PDZRN4: variants seen among roughly 807,000 people sequenced by gnomAD.
PDZRN4 encodes the protein PDZ domain-containing RING finger protein 4.
PDZRN4 carries 70 observed loss-of-function variants against 99.0 expected under a neutral mutation model. The observed-to-expected ratio is 0.71, with a 90% CI of 0.58 to 0.86. The LOEUF is 0.86. Ranked by LOEUF, PDZRN4 falls within the 40% of genes least tolerant of loss-of-function variation. PDZRN4 has a pLI of 0.00. For missense variants in PDZRN4, 1,474 were observed against 1,331.2 expected, an observed-to-expected ratio of 1.11 and a Z score of -1.67; for synonymous variants, 551 against 501.6, an observed-to-expected ratio of 1.10 and a Z score of -1.32.
chr12:41,477,721 G>T, intron 3 of PDZRN4: 1 of 680,486 alleles, frequency 1.5e-6, no homozygotes, highest in South Asian at 1.6e-5. Context: ...TTGGTGAACA[G>T]ACCAACTCCG....
intron 3 of PDZRN4, among the ~76,000 whole-genome samples, chr12:41,261,242 G>C (rs1951237634): frequency 6.6e-6 from 1 of 151,978 alleles, no homozygotes; most frequent in East Asian, 1.9e-4. Context: ...TTCGAAAAAC[G>C]TATTCAGAAT....
At chr12:41,533,742 C>T (rs285553) in intron 5 of PDZRN4, among the ~76,000 whole-genome samples, 35,830 of 151,904 alleles carry the variant, frequency 0.24, 5,696 homozygotes, top group African/African-American at 0.45. Context: ...TGGTTCTTGT[C>T]CACATTTCCA....
chr12:41,216,717 A>G (rs1392643296), intron 3 of PDZRN4, among the ~76,000 whole-genome samples: 3 of 152,042 alleles, frequency 2.0e-5, no homozygotes, highest in Non-Finnish European at 4.4e-5. Flanking sequence ...CAATTCATCT[A>G]ATTAATTTAT....
chr12:41,280,919 G>C (rs1324493084), intron 3 of PDZRN4, among the ~76,000 whole-genome samples: 1 of 152,172 alleles, frequency 6.6e-6, no homozygotes, highest in Non-Finnish European at 1.5e-5. Context: ...TCCTGACTAG[G>C]AGACACCTCC....
intron 5 of PDZRN4, among the ~76,000 whole-genome samples, chr12:41,543,989 T>G (rs1489662805): frequency 6.6e-6 from 1 of 152,168 alleles, no homozygotes; most frequent in Non-Finnish European, 1.5e-5. Context: ...AGGGTCATAT[T>G]TCCAAAAAAA....
chr12:41,538,068 G>A (rs1274053741), intron 5 of PDZRN4, among the ~76,000 whole-genome samples: 2 of 152,084 alleles, frequency 1.3e-5, no homozygotes, highest in South Asian at 2.1e-4. Flanking sequence ...AAAGAGATGA[G>A]CAGATTTTAT....
At chr12:41,426,513 G>A (rs1448416660) in intron 3 of PDZRN4, among the ~76,000 whole-genome samples, 1 of 152,084 alleles carries the variant, frequency 6.6e-6, no homozygotes, top group Non-Finnish European at 1.5e-5. Context: ...TATTGAAAAA[G>A]GCATGATCTT....
chr12:41,408,418 A>G (rs748122345), intron 3 of PDZRN4, among the ~76,000 whole-genome samples: 4 of 152,186 alleles, frequency 2.6e-5, no homozygotes, highest in Non-Finnish European at 5.9e-5. Flanking sequence ...CCTTTCTGCA[A>G]GTTTCCAGAG....
chr12:41,282,053 C>A (rs575018509), intron 3 of PDZRN4, among the ~76,000 whole-genome samples: 1 of 152,052 alleles, frequency 6.6e-6, no homozygotes, highest in African/African-American at 2.4e-5. Flanking sequence ...GTGCTAAATG[C>A]CCCAATTAAG....
chr12:41,421,717 T>C (rs1043185803), intron 3 of PDZRN4, among the ~76,000 whole-genome samples: 7 of 152,152 alleles, frequency 4.6e-5, no homozygotes, highest in Admixed American at 1.3e-4. Context: ...ATTTCTTAAG[T>C]ATGTAACTTG....
At chr12:41,567,137 T>G (rs1939387416) in intron 8 of PDZRN4, among the ~76,000 whole-genome samples, 1 of 152,214 alleles carries the variant, frequency 6.6e-6, no homozygotes, top group African/African-American at 2.4e-5. Flanking sequence ...TGAGGTGTTT[T>G]TCCTATAAAA....
At chr12:41,241,776 C>T (rs1951103481) in intron 3 of PDZRN4, among the ~76,000 whole-genome samples, 1 of 151,992 alleles carries the variant, frequency 6.6e-6, no homozygotes, top group South Asian at 2.1e-4. Flanking sequence ...TTATTATGAT[C>T]ACTGAACGCT....
At chr12:41,386,284 G>A (rs1952170278) in intron 3 of PDZRN4, among the ~76,000 whole-genome samples, 1 of 152,144 alleles carries the variant, frequency 6.6e-6, no homozygotes, top group Non-Finnish European at 1.5e-5. Flanking sequence ...CACTACTTCT[G>A]CTCAACATAG....
chr12:41,385,157 A>G (rs1236860515), intron 3 of PDZRN4, among the ~76,000 whole-genome samples: 1 of 152,244 alleles, frequency 6.6e-6, no homozygotes, highest in African/African-American at 2.4e-5. Flanking sequence ...ACTGTATAGT[A>G]GAATATGATA....
At chr12:41,395,648 G>A (rs2121129450) in intron 3 of PDZRN4, among the ~76,000 whole-genome samples, 1 of 151,998 alleles carries the variant, frequency 6.6e-6, no homozygotes, top group South Asian at 2.1e-4. Context: ...TGACTTATTG[G>A]TATCCACTCC....
intron 3 of PDZRN4, among the ~76,000 whole-genome samples, chr12:41,300,752 A>G (rs1221742084): frequency 1.3e-5 from 2 of 151,942 alleles, no homozygotes; most frequent in Non-Finnish European, 2.9e-5. Flanking sequence ...CATTATGAAA[A>G]CTTTCTGTAG....
At chr12:41,241,022 C>T (rs1321673210) in intron 3 of PDZRN4, among the ~76,000 whole-genome samples, 1 of 151,904 alleles carries the variant, frequency 6.6e-6, no homozygotes, top group African/African-American at 2.4e-5. Flanking sequence ...CTATTTTGCT[C>T]CTCCCCCCTC....
At chr12:41,385,008 C>G (rs1464603240) in intron 3 of PDZRN4, among the ~76,000 whole-genome samples, 1 of 152,174 alleles carries the variant, frequency 6.6e-6, no homozygotes, top group Non-Finnish European at 1.5e-5. Flanking sequence ...TCTCAATTTA[C>G]TCATTCATTC....
intron 3 of PDZRN4, among the ~76,000 whole-genome samples, chr12:41,296,887 G>A (rs1434184865): frequency 6.6e-6 from 1 of 152,182 alleles, no homozygotes; most frequent in East Asian, 1.9e-4. Flanking sequence ...GAGCCCAGGA[G>A]GTTGACACTG....
Sources: allele counts gnomAD v4.1 joint callset (sites outside exome capture counted in the v4.1 genomes callset), GRCh38; gene constraint gnomAD v4.1.1; transcripts MANE v1.5; gene names NCBI Gene and HGNC (gene_info 2026-07-23, HGNC 2026-07-21).